ANO2: variants seen among roughly 807,000 people sequenced by gnomAD.
The protein encoded by ANO2 is anoctamin-2.
In ANO2, 101 loss-of-function variants were observed where a neutral mutation model predicts 124.2. That is an observed-to-expected ratio of 0.81 (90% CI 0.69 to 0.96). The LOEUF (loss-of-function observed/expected upper bound fraction) is 0.96, where lower values mean the gene tolerates loss of function less well. Among genes scored for constraint, ANO2 ranks in the 40% least tolerant of loss-of-function variants. The pLI, the probability that ANO2 is intolerant of heterozygous loss-of-function variation, is 0.00. For synonymous variants in ANO2, 486 were observed against 482.5 expected (o/e 1.01, Z -0.09); for missense variants, 1,293 against 1,274.5 (o/e 1.01, Z -0.22).
chr12:5,935,115 C>T (rs967471885), intron 1 of ANO2, among the ~76,000 whole-genome samples: 4 of 151,708 alleles, frequency 2.6e-5, no homozygotes, highest in Admixed American at 6.6e-5. Context: ...CAGAAAATGC[C>T]TCTGTTACAG....
intron 1 of ANO2, among the ~76,000 whole-genome samples, chr12:5,923,804 G>A (rs1941951287): frequency 1.3e-5 from 2 of 152,194 alleles, no homozygotes; most frequent in African/African-American, 2.4e-5. Context: ...AGGTCTCAGC[G>A]CAGGTCAGAC....
intron 14 of ANO2, among the ~76,000 whole-genome samples, chr12:5,651,536 T>G (rs1422833791): frequency 6.6e-6 from 1 of 152,178 alleles, no homozygotes. Context: ...TCCTCCTGCC[T>G]CAGCCTCCAG....
chr12:5,700,626 C>T (rs1232431384), intron 14 of ANO2, among the ~76,000 whole-genome samples: 1 of 152,086 alleles, frequency 6.6e-6, no homozygotes, highest in African/African-American at 2.4e-5. Context: ...TACAAAAAAA[C>T]CTTCAAAAAG....
At chr12:5,771,613 C>G (rs763069945) in intron 10 of ANO2, among the ~76,000 whole-genome samples, 3 of 151,992 alleles carry the variant, frequency 2.0e-5, no homozygotes, top group Non-Finnish European at 2.9e-5. Flanking sequence ...AACCTCCTCT[C>G]TACTAAAAAT....
intron 15 of ANO2, among the ~76,000 whole-genome samples, chr12:5,643,090 T>C (rs1946463284): frequency 7.2e-6 from 1 of 138,952 alleles, no homozygotes; most frequent in South Asian, 2.2e-4. Flanking sequence ...ACACACACAA[T>C]GAATAAAACA....
chr12:5,938,854 T>C (rs1942768321), intron 1 of ANO2, among the ~76,000 whole-genome samples: 1 of 151,518 alleles, frequency 6.6e-6, no homozygotes, highest in South Asian at 2.1e-4. Context: ...TAAGCTAAGA[T>C]CCCAACCTTT....
At chr12:5,849,476 C>T (rs1954797666) in intron 4 of ANO2, among the ~76,000 whole-genome samples, 1 of 152,250 alleles carries the variant, frequency 6.6e-6, no homozygotes, top group Non-Finnish European at 1.5e-5. Flanking sequence ...TGCTTCCATA[C>T]CGCCATTTCA....
chr12:5,803,629 T>C (rs1188196370), intron 9 of ANO2, among the ~76,000 whole-genome samples: 1 of 151,956 alleles, frequency 6.6e-6, no homozygotes, highest in Non-Finnish European at 1.5e-5. Flanking sequence ...CTTTGGCAAA[T>C]GGGGAACTAG....
At chr12:5,720,664 G>T (rs1325460165) in intron 14 of ANO2, among the ~76,000 whole-genome samples, 1 of 152,092 alleles carries the variant, frequency 6.6e-6, no homozygotes, top group Non-Finnish European at 1.5e-5. Context: ...AAGCCATGAG[G>T]GTCTGGTCTG....
chr12:5,745,274 A>G (rs898874687), intron 11 of ANO2, among the ~76,000 whole-genome samples: 25 of 152,320 alleles, frequency 1.6e-4, no homozygotes, highest in African/African-American at 5.8e-4. Flanking sequence ...GTTGTGTAAT[A>G]TTCTCCCAGG....
rs577349044 is a variant in ANO2, at chr12:5,647,202, T to C, written c.1620+525A>G. On this transcript the variant is annotated intron_variant, in intron 15 of 24. Coordinates refer to ENST00000682330, the MANE Select transcript of ANO2 (RefSeq NM_001364791.2). ...CGAAGAATGAACTGCTACCACTTTATTGATCTAAGTCAAATACGAATCACA... is the reference window on the plus strand; with the variant it reads ...CGAAGAATGAACTGCTACCACTTTACTGATCTAAGTCAAATACGAATCACA... Among the ~76,000 whole-genome samples the C allele has an allele frequency of 2.1e-4, 32 of 152,366 alleles. No individual in the cohort carries two copies. The South Asian group carries it at 6.0e-3, about 29-fold the overall frequency.
intron 4 of ANO2, among the ~76,000 whole-genome samples, chr12:5,846,930 A>G (rs901732877): frequency 4.6e-5 from 7 of 152,216 alleles, no homozygotes. Flanking sequence ...TTTGAATGCC[A>G]CTATTCATTC....
chr12:5,922,423 C>T (rs2071408318), intron 2 of ANO2, among the ~76,000 whole-genome samples, 197 bp downstream of exon 2: 3 of 152,202 alleles, frequency 2.0e-5, no homozygotes, highest in Admixed American at 6.5e-5. Context: ...TCCTGACCCT[C>T]CTCTGACCAG....
intron 3 of ANO2, among the ~76,000 whole-genome samples, chr12:5,919,859 A>C (rs1025417601): frequency 6.6e-6 from 1 of 152,072 alleles, no homozygotes; most frequent in Non-Finnish European, 1.5e-5. Context: ...CACCAGGCCC[A>C]GCTAATTTTT....
intron 3 of ANO2, among the ~76,000 whole-genome samples, chr12:5,860,298 T>G (rs1955226762): frequency 6.6e-6 from 1 of 152,164 alleles, no homozygotes. Flanking sequence ...TTCCTTGTCT[T>G]TCTCCTTCAC....
intron 10 of ANO2, among the ~76,000 whole-genome samples, chr12:5,760,360 T>C (rs984338623): frequency 3.9e-5 from 6 of 152,154 alleles, no homozygotes; most frequent in Admixed American, 2.0e-4. Context: ...GCCTGTGAGA[T>C]AAAACACAAG....
intron 10 of ANO2, among the ~76,000 whole-genome samples, chr12:5,791,194 T>C (rs571000976): frequency 6.6e-6 from 1 of 151,920 alleles, no homozygotes; most frequent in African/African-American, 2.4e-5. Context: ...TTGCCGAAGC[T>C]GCAACTGAGA....
chr12:5,718,366 G>A (rs1012018207), intron 14 of ANO2, among the ~76,000 whole-genome samples: 15 of 152,222 alleles, frequency 9.9e-5, no homozygotes, highest in African/African-American at 3.4e-4. Context: ...CCAAGGCACA[G>A]GAACAGCCCC....
At chr12:5,733,542 A>G (rs1283773687) in intron 13 of ANO2, among the ~76,000 whole-genome samples, 1 of 152,198 alleles carries the variant, frequency 6.6e-6, no homozygotes, top group African/African-American at 2.4e-5. Flanking sequence ...CTGGCTCACA[A>G]TGGGCTCTGC....
Sources: allele counts gnomAD v4.1 joint callset (sites outside exome capture counted in the v4.1 genomes callset), GRCh38; gene constraint gnomAD v4.1.1; transcripts MANE v1.5; gene names NCBI Gene and HGNC (gene_info 2026-07-23, HGNC 2026-07-21).